PLAGL1: variants seen among roughly 807,000 people sequenced by gnomAD.
PLAGL1 encodes PLAG1 like zinc finger 1.
PLAGL1 carries 1 observed loss-of-function variant against 4.6 expected under a neutral mutation model. That is an observed-to-expected ratio of 0.22 (90% CI 0.08 to 1.03). The LOEUF (loss-of-function observed/expected upper bound fraction) is 1.03. Ranked by LOEUF, PLAGL1 falls within the 50% of genes least tolerant of loss-of-function variation. The pLI, the probability that PLAGL1 is intolerant of heterozygous loss-of-function variation, is 0.58. For synonymous variants in PLAGL1, 240 were observed against 237.8 expected, an observed-to-expected ratio of 1.01 and a Z score of -0.08; for missense variants, 464 against 570.4, an observed-to-expected ratio of 0.81 and a Z score of 1.90.
chr6:144,046,872 A>G (rs1798193642), intron 1 of PLAGL1, among the ~76,000 whole-genome samples: 1 of 152,132 alleles, frequency 6.6e-6, no homozygotes, highest in Non-Finnish European at 1.5e-5. Context: ...CTTCCTGGAC[A>G]CTTTGCTTAC....
chr6:144,055,262 T>G lies in PLAGL1; in HGVS notation c.-151+9206A>C, dbSNP rs1430031714. Among the ~76,000 whole-genome samples the G allele has an allele frequency of 6.6e-6, 1 of 152,176 alleles. No homozygotes were observed. The highest frequency in any genetic ancestry group is 1.5e-5 in the Non-Finnish European group (1 of 68,034). The stretch of plus-strand genomic sequence containing the variant: ...ACAGAGAAGAAAGCTTACCGAGTGC[T>G]TAGTTCAACACTTTCATTTTACATA... On this transcript the variant is annotated intron_variant, in intron 1 of 3. Transcript: ENST00000437412. This position sits in a 1 kb window ranked among gnomAD's most constrained non-coding sequence, Gnocchi z 5.0.
In PLAGL1 at chr6:143,948,764, A is replaced by AAACAAC. The variant is rs3060705; in HGVS notation, c.-324-310_-324-305dup. ...GTGAAGCTCCATTGACCAAAGAGAA[A>AAACAAC]AACAACAACAACAACAACAACAACA... On this transcript the variant is annotated intron_variant, in intron 6 of 7. Coordinates refer to ENST00000674357, the MANE Select transcript of PLAGL1 (RefSeq NM_001317162.2). The surrounding 1 kb of genome is among the most constrained non-coding windows in gnomAD (Gnocchi z 6.0). Among the ~76,000 whole-genome samples, 1,658 of 107,226 alleles carry AAACAAC rather than the reference A, an allele frequency of 0.015. 35 individuals are homozygous for AAACAAC. The highest frequency in any genetic ancestry group is 0.061 in the African/African-American group (1,514 of 24,654). 70.3% of individuals were successfully genotyped at this position (107,226 alleles called of 152,430 possible). A position where few individuals can be genotyped will look rare whatever the true frequency, so the allele number is the denominator to read the frequency against.
chr6:143,971,313 C>T lies in PLAGL1; in HGVS notation c.-543-2335G>A, dbSNP rs995929461. On this transcript the variant is annotated intron_variant, in intron 2 of 7. Transcript: ENST00000674357. The surrounding 1 kb of genome is among the most constrained non-coding windows in gnomAD (Gnocchi z 4.7). ...ACCTCTATTTTAAATTTTACCTCTA[C>T]CATTAATCAAAACAGAAGTGCAAAT... Among the ~76,000 whole-genome samples the T allele has an allele frequency of 6.6e-6, 1 of 152,146 alleles. No individual in the cohort carries two copies. Among genetic ancestry groups the T allele is most frequent in the Non-Finnish European group, 1.5e-5 (1 of 68,028 alleles).
rs1796526937 is a variant in PLAGL1 at position 144,028,346 on chromosome 6, A to G, written c.-151+36122T>C. Among the ~76,000 whole-genome samples the G allele has an allele frequency of 8.5e-5, 13 of 152,294 alleles. No homozygotes were observed. The South Asian group carries it at 2.7e-3, about 32-fold the overall frequency. The stretch of plus-strand genomic sequence containing the variant: ...TAGTCACAGCTCCAAGGGTAAACAC[A>G]TTTGTCAAAATTCAAGCTGTGCATT... On this transcript the variant is annotated intron_variant, in intron 1 of 3. Transcript: ENST00000437412.
In PLAGL1 at chr6:144,027,264, A is replaced by G. The variant is rs1796431435; in HGVS notation, c.-151+37204T>C. 2.7e-5 allele frequency among the ~76,000 whole-genome samples: 4 copies of G among 146,590 alleles called. No homozygotes were observed. In the South Asian group the frequency reaches 8.8e-4, roughly 32 times the overall value. ...GAAAGAAAGAAAGAAAGAAAGAAAG[A>G]AAGAAAGAAAGAAAGAAAGAAAGAA... On this transcript the variant is annotated intron_variant, in intron 1 of 3. Transcript: ENST00000437412. The surrounding 1 kb of genome is among the most constrained non-coding windows in gnomAD (Gnocchi z 5.8).
At position 143,970,773 on chromosome 6, in the gene PLAGL1, A is replaced by G. The variant is rs1785270077; in HGVS notation, c.-543-1795T>C. 6.6e-6 allele frequency among the ~76,000 whole-genome samples: 1 copy of G among 152,210 alleles called. No homozygotes were observed. The highest frequency in any genetic ancestry group is 1.5e-5 in the Non-Finnish European group (1 of 68,042). On this transcript the variant is annotated intron_variant, in intron 2 of 7. Coordinates refer to ENST00000674357, the MANE Select transcript of PLAGL1 (RefSeq NM_001317162.2). This position sits in a 1 kb window ranked among gnomAD's most constrained non-coding sequence, Gnocchi z 5.8. ...TGAAATTCTTCTTCTTGGATATTAC[A>G]GCAGTCTTCAGTCTGAAGAAAAAGG...
intron 7 of PLAGL1, among the ~76,000 whole-genome samples, chr6:143,943,839 G>C (rs1779174866): frequency 6.6e-6 from 1 of 152,172 alleles, no homozygotes; most frequent in African/African-American, 2.4e-5. Context: ...GTTATGGAAA[G>C]CCATCACAAT....
chr6:143,988,283 A>G (rs763158214), intron 1 of PLAGL1, among the ~76,000 whole-genome samples: 24 of 152,216 alleles, frequency 1.6e-4, no homozygotes, highest in Admixed American at 7.2e-4. Context: ...ATTTATGTTT[A>G]TGTCACTGTT....
intron 1 of PLAGL1, among the ~76,000 whole-genome samples, chr6:144,030,719 A>G (rs955627377): frequency 5.9e-5 from 9 of 152,170 alleles, no homozygotes. Flanking sequence ...GTATACATAC[A>G]CCACATTTGC....
In PLAGL1 at chr6:143,968,919, G is replaced by C. The variant is rs1412605474; in HGVS notation, c.-484C>G. 4 of 151,796 alleles carry C rather than the reference G, an allele frequency of 2.6e-5. No homozygotes were observed. The highest frequency in any genetic ancestry group is 1.3e-4 in the Admixed American group (2 of 15,210). The allele number at this position is 151,796 out of a possible 1,614,324, so 9.4% of individuals were successfully genotyped here. ...TAGACGTATTTACCTTTCTAAGTGA[G>C]GTACAGATGAGTTTCAGATGTGACA... is the stretch of plus-strand genomic sequence containing the variant. On this transcript the variant is annotated 5_prime_UTR_variant, in exon 3 of 8. Transcript: ENST00000674357. This position sits in a 1 kb window ranked among gnomAD's most constrained non-coding sequence, Gnocchi z 6.3.
chr6:144,027,250 A>C lies in PLAGL1; in HGVS notation c.-151+37218T>G, dbSNP rs79893606. 0.045 allele frequency among the ~76,000 whole-genome samples: 5,416 copies of C among 120,250 alleles called. 143 individuals carry two copies. Among genetic ancestry groups the C allele is most frequent in the East Asian group, 0.089 (394 of 4,446 alleles). The allele number at this position is 120,250 out of a possible 152,430, so 78.9% of individuals were successfully genotyped here. On this transcript the variant is annotated intron_variant, in intron 1 of 3. Coordinates refer to the PLAGL1 transcript ENST00000437412. This position sits in a 1 kb window ranked among gnomAD's most constrained non-coding sequence, Gnocchi z 5.8. Reference sequence around the variant, plus strand: ...AAGAACGAACGAAAGAAAGAAAGAAAGAAAGAAAGAAAGAAAGAAAGAAAG... The same window carrying C: ...AAGAACGAACGAAAGAAAGAAAGAACGAAAGAAAGAAAGAAAGAAAGAAAG...
chr6:143,974,476 T>C (rs927703178), intron 2 of PLAGL1, among the ~76,000 whole-genome samples: 3 of 151,968 alleles, frequency 2.0e-5, no homozygotes, highest in African/African-American at 7.3e-5. Flanking sequence ...CTATTTTGTA[T>C]AGAGAGCTGA....
chr6:143,945,187 G>A lies in PLAGL1; in HGVS notation c.153-2524C>T, dbSNP rs1272099363. On this transcript the variant is annotated intron_variant, in intron 7 of 7. Coordinates refer to ENST00000674357, the MANE Select transcript of PLAGL1 (RefSeq NM_001317162.2). The surrounding 1 kb of genome is among the most constrained non-coding windows in gnomAD (Gnocchi z 4.2). ...ATCCTATAGCTGAAATTACTTCAAC[G>A]ACTTGTTTCTTTCCCTCAGTTTTTC... Among the ~76,000 whole-genome samples the A allele has an allele frequency of 3.9e-5, 6 of 152,006 alleles. No individual in the cohort carries two copies. Among genetic ancestry groups the A allele is most frequent in the Non-Finnish European group, 7.4e-5 (5 of 68,012 alleles).
rs1798692934 is a variant in PLAGL1 at position 144,053,042 on chromosome 6, C to T, written c.-151+11426G>A. On this transcript the variant is annotated intron_variant, in intron 1 of 3. Coordinates refer to the PLAGL1 transcript ENST00000437412. This position sits in a 1 kb window ranked among gnomAD's most constrained non-coding sequence, Gnocchi z 4.0. ...AGGTTAGCACCAATACTTGTAAATGCTTTGATAAACAAGGATGAAATTATT... is the reference window on the plus strand; with the variant it reads ...AGGTTAGCACCAATACTTGTAAATGTTTTGATAAACAAGGATGAAATTATT... 6.6e-6 allele frequency among the ~76,000 whole-genome samples: 1 copy of T among 152,170 alleles called. No individual in the cohort carries two copies.
rs1045741996 is a variant in PLAGL1 at position 143,994,947 on chromosome 6, C to A, written c.-583-9773G>T. On this transcript the variant is annotated intron_variant, in intron 1 of 7. Transcript: ENST00000674357. This position sits in a 1 kb window ranked among gnomAD's most constrained non-coding sequence, Gnocchi z 4.3. ...GACTATGTCACATCTCTCAGTGATG[C>A]CTCTATCTTGTCATCATCTAATGGG... is the stretch of plus-strand genomic sequence containing the variant. Among the ~76,000 whole-genome samples the A allele has an allele frequency of 6.6e-6, 1 of 152,176 alleles. No individual in the cohort carries two copies. The highest frequency in any genetic ancestry group is 2.4e-5 in the African/African-American group (1 of 41,456).
At chr6:144,029,554 T>A (rs1264405756) in intron 1 of PLAGL1, among the ~76,000 whole-genome samples, 1 of 152,250 alleles carries the variant, frequency 6.6e-6, no homozygotes, top group African/African-American at 2.4e-5. Flanking sequence ...TAAAAGATAC[T>A]CCTCATCATA....
At chr6:144,020,700 C>A (rs1037348721) in intron 1 of PLAGL1, among the ~76,000 whole-genome samples, 13 of 150,848 alleles carry the variant, frequency 8.6e-5, no homozygotes, top group African/African-American at 2.9e-4. Flanking sequence ...CCTGCCTAAG[C>A]CTCCTGAGGT....
In PLAGL1 at chr6:143,958,945, CTTTG is replaced by C. The variant is rs1001815255; in HGVS notation, c.-325+1520_-325+1523del. 3.9e-5 allele frequency among the ~76,000 whole-genome samples: 6 copies of C among 152,290 alleles called. No individual in the cohort carries two copies. The highest frequency in any genetic ancestry group is 3.3e-4 in the Admixed American group (5 of 15,308). ...TCTCTCCCATTCACAGCTTTAGGTC[CTTTG>C]TTTGTTTAACAAACCATTACAATCA... is the stretch of plus-strand genomic sequence containing the variant. On this transcript the variant is annotated intron_variant, in intron 6 of 7. Transcript: ENST00000674357. This position sits in a 1 kb window ranked among gnomAD's most constrained non-coding sequence, Gnocchi z 5.1.
chr6:143,986,213 A>C (rs1381902625), intron 1 of PLAGL1, among the ~76,000 whole-genome samples: 1 of 151,806 alleles, frequency 6.6e-6, no homozygotes, highest in South Asian at 2.1e-4. Flanking sequence ...AGATGTTTTG[A>C]TGTCATCATT....
Sources: gnomAD v4.1 joint callset for allele counts (sites outside exome capture counted in the v4.1 genomes callset) on GRCh38, gnomAD v4.1.1 for gene constraint, Gnocchi (gnomAD v3.1) non-coding constraint, MANE v1.5 for transcripts, NCBI Gene and HGNC (gene_info 2026-07-23, HGNC 2026-07-21) for gene names.